WDR72: variants seen among roughly 807,000 people sequenced by gnomAD.
The protein encoded by WDR72 is WD repeat-containing protein 72.
Under a neutral mutation model 124.2 loss-of-function variants are expected in WDR72, and 120 were observed. The ratio of observed to expected loss-of-function variants is 0.97; its 90% confidence interval spans 0.83 to 1.12. WDR72 has a LOEUF of 1.12. Ranked by LOEUF, WDR72 falls within the 50% of genes most tolerant of loss-of-function variation. The probability of loss-of-function intolerance (pLI) is 0.00; values close to 1 mark genes in which losing one functional copy is unlikely to be tolerated. For missense variants in WDR72, 1,387 were observed against 1,278.8 expected, an observed-to-expected ratio of 1.08 and a Z score of -1.29; for synonymous variants, 452 against 441.7, an observed-to-expected ratio of 1.02 and a Z score of -0.29.
At chr15:53,648,218 A>G (rs1804907060) in intron 14 of WDR72, among the ~76,000 whole-genome samples, 1 of 152,178 alleles carries the variant, frequency 6.6e-6, no homozygotes, top group South Asian at 2.1e-4. Context: ...ACGTAGCAGG[A>G]AAGATACTTG....
At position 53,615,499 on chromosome 15, in the gene WDR72, A is replaced by C. The variant is rs750256834; in HGVS notation, c.2707T>G (p.Tyr903Asp). The change falls in exon 15 of 20, where the codon TAT becomes GAT. Residue 903 changes from tyrosine (Y) to aspartate (D), a missense_variant. Coordinates refer to ENST00000360509, the MANE Select transcript of WDR72 (RefSeq NM_182758.4). ...ACTAAAAATAGTCTGCTCAACAAATAAACTATAGTATCTGACTCTCGCAAA... is the reference window on the plus strand; with the variant it reads ...ACTAAAAATAGTCTGCTCAACAAATCAACTATAGTATCTGACTCTCGCAAA... Reference protein sequence around the residue: ...DSLRESDTIVYLLSRLFLVNK... With the variant: ...DSLRESDTIVDLLSRLFLVNK... 44 of 1,612,622 alleles carry C rather than the reference A, an allele frequency of 2.7e-5. No individual in the cohort carries two copies. Among genetic ancestry groups the C allele is most frequent in the Non-Finnish European group, 3.7e-5 (44 of 1,179,334 alleles).
chr15:53,659,206 A>G (rs1421571567), intron 14 of WDR72, among the ~76,000 whole-genome samples: 1 of 152,222 alleles, frequency 6.6e-6, no homozygotes, highest in Non-Finnish European at 1.5e-5. Context: ...ATTAGGCTAT[A>G]TATTTCAGGC....
At chr15:53,754,306 A>G (rs2018845581) in intron 1 of WDR72, among the ~76,000 whole-genome samples, 1 of 152,170 alleles carries the variant, frequency 6.6e-6, no homozygotes, top group Admixed American at 6.5e-5. Flanking sequence ...CTCATAATAC[A>G]CAATGTGAGA....
chr15:53,699,652 T>A, intron 13 of WDR72, 98 bp downstream of exon 13: 1 of 1,314,348 alleles, frequency 7.6e-7, no homozygotes, highest in Non-Finnish European at 1.1e-6. Context: ...TTAAAGCAAG[T>A]GAGGTCATCA....
intron 1 of WDR72, among the ~76,000 whole-genome samples, chr15:53,758,815 C>CACCT (rs1343292784): frequency 2.2e-5 from 3 of 138,472 alleles, no homozygotes; most frequent in African/African-American, 7.9e-5. Context: ...ACGTACCATA[C>CACCT]ACCTACGTTT....
chr15:53,686,631 T>G (rs2016637569), intron 13 of WDR72, among the ~76,000 whole-genome samples: 1 of 149,558 alleles, frequency 6.7e-6, no homozygotes, highest in Non-Finnish European at 1.5e-5. Context: ...AACACCCCAC[T>G]GTCAACGTTA....
intron 1 of WDR72, among the ~76,000 whole-genome samples, chr15:53,741,489 C>T (rs1388885835): frequency 2.0e-5 from 3 of 152,070 alleles, no homozygotes; most frequent in East Asian, 1.9e-4. Context: ...TTGTAAATAC[C>T]GTAATTAGTA....
intron 13 of WDR72, among the ~76,000 whole-genome samples, chr15:53,686,008 G>A (rs1238990012): frequency 6.7e-6 from 1 of 149,278 alleles, no homozygotes; most frequent in African/African-American, 2.5e-5. Context: ...ACAAGCAAAT[G>A]CTGAGAGATT....
At chr15:53,519,863 A>T (rs772567621) in intron 19 of WDR72, among the ~76,000 whole-genome samples, 2 of 152,082 alleles carry the variant, frequency 1.3e-5, no homozygotes, top group Non-Finnish European at 2.9e-5. Flanking sequence ...GGGTCATCCT[A>T]GTCAATTCAG....
Position 53,702,235 on chromosome 15 carries a change from A to G in WDR72, c.1468T>C (p.Cys490Arg), listed in dbSNP as rs763707650. The change falls in exon 12 of 20, where the codon TGT becomes CGT. Residue 490 changes from cysteine to arginine, a missense_variant. Physicochemically the swap from Cys to Arg is radical, Grantham distance 180. Transcript: ENST00000360509. Reference protein sequence around the residue: ...SWMLSGDLDSCVILWDIFTEE... With the variant: ...SWMLSGDLDSRVILWDIFTEE... ...GTAAAGATATCCCACAAGATCACAC[A>G]TGAGTCCAGGTCCCCAGACAACATC... is the stretch of plus-strand genomic sequence containing the variant. The G allele has an allele frequency of 1.5e-5, 24 of 1,614,104 alleles. No individual in the cohort carries two copies. Among genetic ancestry groups the G allele is most frequent in the Admixed American group, 5.0e-5 (3 of 60,008 alleles).
intron 18 of WDR72, among the ~76,000 whole-genome samples, chr15:53,540,686 T>C (rs546263662): frequency 6.6e-6 from 1 of 151,222 alleles, no homozygotes; most frequent in Admixed American, 6.6e-5. Context: ...GCTCCCAGCG[T>C]GAGCGACGCA....
intron 14 of WDR72, among the ~76,000 whole-genome samples, chr15:53,624,024 T>TG (rs1177511097): frequency 3.9e-5 from 6 of 152,172 alleles, no homozygotes; most frequent in Non-Finnish European, 8.8e-5. Flanking sequence ...CCATTTTTAA[T>TG]GGAGTTATTT....
intron 1 of WDR72, among the ~76,000 whole-genome samples, chr15:53,738,487 A>G (rs2018416929): frequency 6.6e-6 from 1 of 152,258 alleles, no homozygotes; most frequent in Admixed American, 6.5e-5. Flanking sequence ...GTAAACTCAG[A>G]TATCTTAAAT....
chr15:53,585,709 G>C (rs958352146), intron 18 of WDR72, among the ~76,000 whole-genome samples: 1 of 151,978 alleles, frequency 6.6e-6, no homozygotes, highest in Non-Finnish European at 1.5e-5. Context: ...CCTGTGAAAG[G>C]AGGTCAATAT....
At chr15:53,720,231 T>C (rs1488887454) in intron 3 of WDR72, among the ~76,000 whole-genome samples, 2 of 152,194 alleles carry the variant, frequency 1.3e-5, no homozygotes, top group African/African-American at 2.4e-5. Context: ...AACGTAAACA[T>C]ATAAATATAG....
At chr15:53,627,309 G>A (rs951938965) in intron 14 of WDR72, among the ~76,000 whole-genome samples, 18 of 152,252 alleles carry the variant, frequency 1.2e-4, no homozygotes, top group Middle Eastern at 3.4e-3. Flanking sequence ...AGGAAAAGTC[G>A]TCATCATGTG....
At chr15:53,655,572 G>T (rs2140434635) in intron 14 of WDR72, among the ~76,000 whole-genome samples, 1 of 152,242 alleles carries the variant, frequency 6.6e-6, no homozygotes, top group South Asian at 2.1e-4. Flanking sequence ...TGGCCTGAGA[G>T]ACAAGAAAAA....
intron 13 of WDR72, among the ~76,000 whole-genome samples, chr15:53,690,760 T>C (rs944935154): frequency 6.6e-6 from 1 of 152,198 alleles, no homozygotes; most frequent in Non-Finnish European, 1.5e-5. Flanking sequence ...AATTCTACTG[T>C]AAACATTTAT....
chr15:53,736,558 A>G (rs58590984), intron 1 of WDR72, among the ~76,000 whole-genome samples: 2,681 of 152,308 alleles, frequency 0.018, 78 homozygotes, highest in African/African-American at 0.062. Context: ...GAGGACATCA[A>G]TTTACAAGGA....
Sources: gnomAD v4.1 joint callset for allele counts (sites outside exome capture counted in the v4.1 genomes callset) on GRCh38, gnomAD v4.1.1 for gene constraint, MANE v1.5 for transcripts, NCBI Gene and HGNC (gene_info 2026-07-23, HGNC 2026-07-21) for gene names.